POMK: variants seen among roughly 807,000 people sequenced by gnomAD.
POMK encodes the protein Sugen kinase 196.
POMK carries 19 observed loss-of-function variants against 23.0 expected under a neutral mutation model. That is an observed-to-expected ratio of 0.83 (90% CI 0.58 to 1.21). The LOEUF (loss-of-function observed/expected upper bound fraction) is 1.21. Among genes scored for constraint, POMK ranks in the 50% most tolerant of loss-of-function variants. The probability of loss-of-function intolerance (pLI) is 0.00; values close to 1 mark genes in which losing one functional copy is unlikely to be tolerated. For missense variants in POMK, 410 were observed against 431.3 expected (o/e 0.95, Z 0.44); for synonymous variants, 173 against 171.6 (o/e 1.01, Z -0.06).
At chr8:43,112,676 T>A (rs1811700908) in intron 4 of POMK, among the ~76,000 whole-genome samples, 1 of 152,148 alleles carries the variant, frequency 6.6e-6, no homozygotes, top group East Asian at 1.9e-4. Flanking sequence ...AAGGTCGGGT[T>A]ACCCACAAAG....
At chr8:43,095,742 T>C (rs995618860) in intron 1 of POMK, among the ~76,000 whole-genome samples, 1 of 152,218 alleles carries the variant, frequency 6.6e-6, no homozygotes, top group African/African-American at 2.4e-5. Context: ...TCAGCACTTT[T>C]ACATTCATAA....
chr8:43,116,686 C>G (rs973097601), intron 4 of POMK, among the ~76,000 whole-genome samples: 2 of 152,182 alleles, frequency 1.3e-5, no homozygotes. Flanking sequence ...AAGAAATCTG[C>G]TTATACTGTT....
intron 4 of POMK, among the ~76,000 whole-genome samples, chr8:43,113,795 A>C (rs1019331663): frequency 6.6e-6 from 1 of 151,776 alleles, no homozygotes; most frequent in Non-Finnish European, 1.5e-5. Context: ...TTTGGTGTGG[A>C]TGTCCTTTCT....
chr8:43,107,930 G>T (rs1293000857), intron 4 of POMK, among the ~76,000 whole-genome samples: 1 of 152,184 alleles, frequency 6.6e-6, no homozygotes, highest in African/African-American at 2.4e-5. Flanking sequence ...CAATCCGCCT[G>T]CCTTGGCCTC....
chr8:43,114,373 T>G (rs547259858), intron 4 of POMK, among the ~76,000 whole-genome samples: 1 of 152,334 alleles, frequency 6.6e-6, no homozygotes, highest in South Asian at 2.1e-4. Flanking sequence ...ACTGCTGTGC[T>G]AGCAATCAGT....
chr8:43,095,113 G>A (rs780453159), intron 1 of POMK, among the ~76,000 whole-genome samples: 39 of 152,212 alleles, frequency 2.6e-4, no homozygotes, highest in Non-Finnish European at 4.3e-4. Context: ...GCCCCTAGCT[G>A]ACCACGCTGG....
chr8:43,121,259 T>G (rs189179681), intron 4 of POMK, among the ~76,000 whole-genome samples: 13 of 152,368 alleles, frequency 8.5e-5, no homozygotes, highest in Middle Eastern at 6.8e-3. Flanking sequence ...TCCTGAGTCC[T>G]GAGCCTGCTT....
intron 4 of POMK, among the ~76,000 whole-genome samples, chr8:43,111,634 C>T (rs569548365): frequency 6.6e-6 from 1 of 152,342 alleles, no homozygotes; most frequent in African/African-American, 2.4e-5. Context: ...TCAAGTGGGT[C>T]CCTGACCCCC....
intron 4 of POMK, among the ~76,000 whole-genome samples, chr8:43,113,144 C>G (rs191811210): frequency 0.012 from 1,783 of 151,660 alleles, 37 homozygotes; most frequent in Admixed American, 0.041. Flanking sequence ...TTTCCTGAAT[C>G]TGAAAGTTGG....
Position 43,103,676 on chromosome 8 carries a change from T to C in POMK, c.128T>C (p.Ile43Thr), listed in dbSNP as rs1811490430. The C allele has an allele frequency of 6.2e-7, 1 of 1,614,094 alleles. No individual in the cohort carries two copies. The stretch of plus-strand genomic sequence containing the variant: ...TACCTCTGCCTCGACCACTTCTTCA[T>C]CGCTCCTCGACAATCCACTGTGGAC... ...LLYLCLDHFF[I>T]APRQSTVDPT... Residue 43 changes from isoleucine to threonine, a missense_variant, in exon 4 of 5, where the codon ATC (isoleucine) becomes ACC (threonine). Transcript: ENST00000331373.
rs1248752298 is a variant in POMK at position 43,123,424 on chromosome 8, A to C, written c.*547A>C. ...TTCTTCCATTGTGGTCTGAGAAGGT[A>C]CTTGATATGATTTAGATTTTTAAAA... is the stretch of plus-strand genomic sequence containing the variant. On this transcript the variant is annotated 3_prime_UTR_variant, in exon 5 of 5. Transcript: ENST00000331373. The C allele has an allele frequency of 6.5e-6, 1 of 152,932 alleles. No homozygotes were observed. The highest frequency in any genetic ancestry group is 1.5e-5 in the Non-Finnish European group (1 of 68,582). The allele number at this position is 152,932 out of a possible 1,614,324, so 9.5% of individuals were successfully genotyped here.
chr8:43,095,983 G>A (rs189992563), intron 1 of POMK, among the ~76,000 whole-genome samples: 22 of 152,306 alleles, frequency 1.4e-4, no homozygotes, highest in Admixed American at 6.5e-5. Context: ...GAGGAAGAGC[G>A]GATTCCGTGG....
chr8:43,104,937 GA>G (rs576049026), intron 4 of POMK, among the ~76,000 whole-genome samples: 41 of 148,682 alleles, frequency 2.8e-4, no homozygotes, highest in African/African-American at 2.2e-4. Context: ...GTCTCCAAAG[GA>G]AAAAAAAAAT....
At chr8:43,111,063 CGGACAGTGGGTGCA>C (rs1811646811) in intron 4 of POMK, among the ~76,000 whole-genome samples, 1 of 152,118 alleles carries the variant, frequency 6.6e-6, no homozygotes, top group Non-Finnish European at 1.5e-5. Flanking sequence ...TGGGGAGTGC[CGGACAGTGGGTGCA>C]GGACAGTGGG....
At chr8:43,096,880 A>G (rs534111706) in intron 1 of POMK, among the ~76,000 whole-genome samples, 1 of 152,336 alleles carries the variant, frequency 6.6e-6, no homozygotes, top group South Asian at 2.1e-4. Flanking sequence ...TTGCAGGAGG[A>G]TAATACCAGC....
chr8:43,122,284 C>G lies in POMK; in HGVS notation c.460C>G (p.Leu154Val). The change falls in exon 5 of 5, where the codon CTA becomes GTA. Residue 154 changes from leucine (L) to valine (V), a missense_variant. By Grantham distance (32) the Leu-to-Val change is conservative. Coordinates refer to ENST00000331373, the MANE Select transcript of POMK (RefSeq NM_032237.5). The stretch of plus-strand genomic sequence containing the variant: ...CACTATGCTTACTGAATATCACCCT[C>G]TAGGTTCCTTGAGTAACCTGGAAGA... ...DNTMLTEYHP[L>V]GSLSNLEETL... 2 of 1,614,212 alleles carry G rather than the reference C, an allele frequency of 1.2e-6. No homozygotes were observed.
chr8:43,101,096 C>G (rs1811431187), intron 2 of POMK, among the ~76,000 whole-genome samples: 3 of 151,848 alleles, frequency 2.0e-5, no homozygotes, highest in Admixed American at 2.0e-4. Flanking sequence ...AATACTGATG[C>G]AGGGGATGAG....
intron 3 of POMK, among the ~76,000 whole-genome samples, chr8:43,103,108 G>GC (rs2130600462): frequency 6.6e-6 from 1 of 152,326 alleles, no homozygotes; most frequent in East Asian, 1.9e-4. Context: ...GTTCGACAGA[G>GC]GCCCTCAGCT....
chr8:43,106,007 C>G (rs1314765176), intron 4 of POMK, among the ~76,000 whole-genome samples: 1 of 152,178 alleles, frequency 6.6e-6, no homozygotes, highest in African/African-American at 2.4e-5. Flanking sequence ...TGGATATATA[C>G]CCAGTAGTGG....
Sources: gnomAD v4.1 joint callset for allele counts (sites outside exome capture counted in the v4.1 genomes callset) on GRCh38, gnomAD v4.1.1 for gene constraint, MANE v1.5 for transcripts, NCBI Gene and HGNC (gene_info 2026-07-23, HGNC 2026-07-21) for gene names.